JMJD1C: variants seen among roughly 807,000 people sequenced by gnomAD.
The protein encoded by JMJD1C is jumonji domain-containing protein 1C.
A neutral mutation model predicts 245.3 loss-of-function variants in JMJD1C; 31 were observed. That is an observed-to-expected ratio of 0.13 (90% CI 0.09 to 0.17). The LOEUF (loss-of-function observed/expected upper bound fraction) is 0.17. Among genes scored for constraint, JMJD1C ranks in the 10% least tolerant of loss-of-function variants. The pLI is 1.00. For missense variants in JMJD1C, 2,691 were observed against 3,000.2 expected (o/e 0.90, Z 2.41); for synonymous variants, 1,057 against 1,017.4 (o/e 1.04, Z -0.74).
In JMJD1C at chr10:63,306,121, G is replaced by C. The variant is rs369946059; in HGVS notation, c.334-41357C>G. On this transcript the variant is annotated intron_variant, in intron 2 of 25. Transcript: ENST00000399262. ...TTTTTTAATTTTCAGAGTGAGTCTT[G>C]CTCTGTTGCCCAGGCTGGAGTGCAC... is the stretch of plus-strand genomic sequence containing the variant. Among the ~76,000 whole-genome samples the C allele has an allele frequency of 3.3e-5, 5 of 151,732 alleles. No homozygotes were observed. In the East Asian group the frequency reaches 7.8e-4, roughly 24 times the overall value.
intron 16 of JMJD1C, 37 bp from the exon 17 acceptor site, chr10:63,191,145 G>A: frequency 6.5e-7 from 1 of 1,545,470 alleles, no homozygotes. Context: ...GTTTTGTTTT[G>A]TTTTGAGACG....
chr10:63,493,572 AC>A (rs1396610789), intron 1 of JMJD1C, among the ~76,000 whole-genome samples: 1 of 150,980 alleles, frequency 6.6e-6, no homozygotes, highest in Non-Finnish European at 1.5e-5. Flanking sequence ...GTGAGCCACC[AC>A]CCCCAGCCTA....
At chr10:63,490,217 T>C (rs1954123871) in intron 1 of JMJD1C, among the ~76,000 whole-genome samples, 1 of 152,124 alleles carries the variant, frequency 6.6e-6, no homozygotes, top group South Asian at 2.1e-4. Flanking sequence ...CACATGCTGC[T>C]TCCTTTATGG....
chr10:63,377,561 C>A (rs1359486760), intron 2 of JMJD1C, among the ~76,000 whole-genome samples: 1 of 151,884 alleles, frequency 6.6e-6, no homozygotes. Context: ...GTTGAAAAAC[C>A]CTGTCTCTAC....
chr10:63,240,205 A>C (rs9415672), intron 3 of JMJD1C, among the ~76,000 whole-genome samples: 2,263 of 152,290 alleles, frequency 0.015, 51 homozygotes, highest in African/African-American at 0.052. Context: ...AAGACAGTGG[A>C]AATGTGACAC....
At chr10:63,438,410 C>A (rs1014341453) in intron 1 of JMJD1C, among the ~76,000 whole-genome samples, 1 of 152,174 alleles carries the variant, frequency 6.6e-6, no homozygotes, top group Admixed American at 6.5e-5. Context: ...AATGCTACCA[C>A]AGAATCGTTA....
chr10:63,313,227 C>T lies in JMJD1C; in HGVS notation c.334-48463G>A, dbSNP rs138696906. On this transcript the variant is annotated intron_variant, in intron 2 of 25. Coordinates refer to ENST00000399262, the MANE Select transcript of JMJD1C (RefSeq NM_032776.3). ...GGTTTTTCATTCCTGAGTTACTTCA[C>T]TTAGAGTAACAGTCTCCAATCCCAT... Among the ~76,000 whole-genome samples, 104 of 152,342 alleles carry T rather than the reference C, an allele frequency of 6.8e-4. 1 individual carries two copies. Among genetic ancestry groups the T allele is most frequent in the African/African-American group, 2.4e-3 (101 of 41,580 alleles).
At chr10:63,355,886 A>G (rs1944799747) in intron 2 of JMJD1C, among the ~76,000 whole-genome samples, 2 of 152,230 alleles carry the variant, frequency 1.3e-5, no homozygotes, top group African/African-American at 2.4e-5. Context: ...GCTGATTTAA[A>G]GCCCAAAGAA....
intron 1 of JMJD1C, among the ~76,000 whole-genome samples, chr10:63,398,222 T>A (rs1214776710): frequency 6.6e-6 from 1 of 152,210 alleles, no homozygotes; most frequent in African/African-American, 2.4e-5. Context: ...ATATTGCAAC[T>A]GTTTGATATG....
At position 63,276,328 on chromosome 10, in the gene JMJD1C, G is replaced by A. The variant is rs772344338; in HGVS notation, c.334-11564C>T. Among the ~76,000 whole-genome samples the A allele has an allele frequency of 2.6e-4, 40 of 151,924 alleles. 1 individual carries two copies. Among genetic ancestry groups the A allele is most frequent in the Admixed American group, 1.1e-3 (17 of 15,242 alleles). ...AAAAATACAAAAAGTTAGCTGGGCG[G>A]GGTGGCGGGTGCCTGTAGTCCCAGC... On this transcript the variant is annotated intron_variant, in intron 2 of 25. Transcript: ENST00000399262.
chr10:63,370,713 C>A (rs949663374), intron 2 of JMJD1C, among the ~76,000 whole-genome samples: 10 of 152,096 alleles, frequency 6.6e-5, no homozygotes, highest in Non-Finnish European at 5.9e-5. Flanking sequence ...AGTGTTAATT[C>A]TTTGTATATT....
At chr10:63,346,794 T>C (rs1360225365) in intron 2 of JMJD1C, among the ~76,000 whole-genome samples, 3 of 152,186 alleles carry the variant, frequency 2.0e-5, no homozygotes, top group African/African-American at 4.8e-5. Flanking sequence ...TCTACTTGGC[T>C]ACTATTTTTA....
At chr10:63,176,557 A>G (rs2132808309) in intron 23 of JMJD1C, 84 bp from the exon 24 acceptor site, 2 of 1,011,152 alleles carry the variant, frequency 2.0e-6, no homozygotes, top group South Asian at 1.7e-5. Context: ...TTTATTTGTA[A>G]TAACAAATCT....
intron 24 of JMJD1C, among the ~76,000 whole-genome samples, chr10:63,169,864 G>C (rs1046336069): frequency 2.0e-5 from 3 of 152,126 alleles, no homozygotes; most frequent in Non-Finnish European, 4.4e-5. Context: ...GATGTTCAGC[G>C]CCTGTCCCAA....
At chr10:63,404,221 GT>G (rs1467507290) in intron 1 of JMJD1C, among the ~76,000 whole-genome samples, 1 of 152,106 alleles carries the variant, frequency 6.6e-6, no homozygotes, top group Admixed American at 6.6e-5. Flanking sequence ...GTTAAAAAGA[GT>G]AAGGACACAT....
At chr10:63,280,340 G>A (rs1052908249) in intron 2 of JMJD1C, among the ~76,000 whole-genome samples, 5 of 151,974 alleles carry the variant, frequency 3.3e-5, no homozygotes, top group African/African-American at 1.2e-4. Flanking sequence ...ACAAGGTCAA[G>A]AGATTGAGAC....
intron 2 of JMJD1C, among the ~76,000 whole-genome samples, chr10:63,313,568 G>C (rs186205552): frequency 6.6e-6 from 1 of 152,164 alleles, no homozygotes; most frequent in Non-Finnish European, 1.5e-5. Flanking sequence ...AGCGGTGTAA[G>C]AATGTTCCCT....
At chr10:63,193,236 C>T in intron 15 of JMJD1C, 85 bp from the exon 16 acceptor site, 1 of 1,466,326 alleles carries the variant, frequency 6.8e-7, no homozygotes, top group Non-Finnish European at 9.4e-7. Flanking sequence ...TACACAGAAA[C>T]ACAGCAAACC....
At chr10:63,269,253 G>A in intron 2 of JMJD1C, 1 of 972,998 alleles carries the variant, frequency 1.0e-6, no homozygotes, top group Non-Finnish European at 1.2e-6. Context: ...TGAGAGAAGG[G>A]AAGAGGCGGT....
Sources: allele counts gnomAD v4.1 joint callset (sites outside exome capture counted in the v4.1 genomes callset), GRCh38; gene constraint gnomAD v4.1.1; transcripts MANE v1.5; gene names NCBI Gene and HGNC (gene_info 2026-07-23, HGNC 2026-07-21).